Variants in VAT1L observed in about 807,000 individuals in gnomAD.
VAT1L encodes the protein putative NADPH-dependent quinone oxidoreductase VAT1L.
VAT1L carries 34 observed loss-of-function variants against 44.1 expected under a neutral mutation model. That is an observed-to-expected ratio of 0.77 (90% confidence interval 0.59 to 1.03). The LOEUF (loss-of-function observed/expected upper bound fraction) is 1.03, where lower values mean the gene tolerates loss of function less well. VAT1L is among the 50% of genes least tolerant of loss of function. The pLI, the probability that VAT1L is intolerant of heterozygous loss-of-function variation, is 0.00. For missense variants in VAT1L, 615 were observed against 538.8 expected, an observed-to-expected ratio of 1.14 and a Z score of -1.40; for synonymous variants, 253 against 202.2, an observed-to-expected ratio of 1.25 and a Z score of -2.13.
At chr16:77,925,985 G>A (rs542971148) in intron 7 of VAT1L, among the ~76,000 whole-genome samples, 1 of 152,238 alleles carries the variant, frequency 6.6e-6, no homozygotes, top group South Asian at 2.1e-4. Flanking sequence ...AGTCGGGGCC[G>A]GGTGCGGTGG....
intron 1 of VAT1L, among the ~76,000 whole-genome samples, chr16:77,802,524 G>GAATT (rs1217032182): frequency 6.6e-6 from 1 of 151,766 alleles, no homozygotes; most frequent in African/African-American, 2.4e-5. Context: ...CTGAGGCAGG[G>GAATT]AATTGCTTGA....
chr16:77,799,165 A>C (rs979476574), intron 1 of VAT1L, among the ~76,000 whole-genome samples: 1 of 151,798 alleles, frequency 6.6e-6, no homozygotes, highest in Admixed American at 6.6e-5. Context: ...TGCAAATCAC[A>C]TACCAGCCCC....
chr16:77,921,900 C>A (rs1024289396), intron 7 of VAT1L, among the ~76,000 whole-genome samples: 11 of 152,038 alleles, frequency 7.2e-5, no homozygotes, highest in Non-Finnish European at 1.2e-4. Context: ...CATACCACTA[C>A]ACCTGGGTAA....
intron 7 of VAT1L, chr16:77,892,923 G>A (rs2017283441): frequency 4.0e-6 from 4 of 1,003,088 alleles, no homozygotes; most frequent in African/African-American, 1.6e-5. Flanking sequence ...TAATAAGTTT[G>A]ACTTGTGTTT....
At chr16:77,854,415 C>T (rs991713730) in intron 3 of VAT1L, among the ~76,000 whole-genome samples, 25 of 152,266 alleles carry the variant, frequency 1.6e-4, no homozygotes, top group African/African-American at 5.3e-4. Flanking sequence ...TGGATCAGCC[C>T]ACACAGTGGA....
intron 7 of VAT1L, among the ~76,000 whole-genome samples, chr16:77,900,330 A>G (rs189599777): frequency 6.6e-6 from 1 of 152,304 alleles, no homozygotes; most frequent in Admixed American, 6.5e-5. Flanking sequence ...TTCTCCCAGC[A>G]TAATTTTTTC....
intron 6 of VAT1L, among the ~76,000 whole-genome samples, chr16:77,880,720 G>A (rs2017144105): frequency 6.7e-6 from 1 of 148,364 alleles, no homozygotes; most frequent in Non-Finnish European, 1.5e-5. Flanking sequence ...TTCACATAGT[G>A]AGCATAGTAC....
rs191278316 is a variant in VAT1L at position 77,967,194 on chromosome 16, C to G, written c.1078-4656C>G. Reference sequence around the variant, plus strand: ...ACAGAGGAAGGGGAAGCTGCCCTCTCAGATCCCCCATGGTTCTCACCACCT... The same window carrying G: ...ACAGAGGAAGGGGAAGCTGCCCTCTGAGATCCCCCATGGTTCTCACCACCT... On this transcript the variant is annotated intron_variant, in intron 7 of 8. Coordinates refer to ENST00000302536, the MANE Select transcript of VAT1L (RefSeq NM_020927.3). Among the ~76,000 whole-genome samples, 336 of 152,286 alleles carry G rather than the reference C, an allele frequency of 2.2e-3. 4 individuals are homozygous for G. The South Asian group carries it at 0.05, about 23-fold the overall frequency.
intron 3 of VAT1L, among the ~76,000 whole-genome samples, chr16:77,844,445 G>C (rs934941067): frequency 2.6e-5 from 4 of 151,868 alleles, no homozygotes; most frequent in South Asian, 2.1e-4. Context: ...GTCTTGCTCT[G>C]TCACCCAGAC....
chr16:77,852,731 C>T (rs1018648726), intron 3 of VAT1L, among the ~76,000 whole-genome samples: 7 of 152,162 alleles, frequency 4.6e-5, no homozygotes, highest in Non-Finnish European at 8.8e-5. Context: ...TTCCTTCTCT[C>T]CTTTTGGCCT....
At chr16:77,945,041 G>T (rs1214650132) in intron 7 of VAT1L, among the ~76,000 whole-genome samples, 7 of 152,108 alleles carry the variant, frequency 4.6e-5, no homozygotes, top group Non-Finnish European at 1.0e-4. Context: ...ACTCACCATG[G>T]TACAAAAACC....
At chr16:77,923,116 G>A (rs547167846) in intron 7 of VAT1L, among the ~76,000 whole-genome samples, 34 of 152,200 alleles carry the variant, frequency 2.2e-4, no homozygotes, top group African/African-American at 5.8e-4. Context: ...GTGACCCCCC[G>A]AACCTCGGCT....
At chr16:77,952,719 G>A (rs538629363) in intron 7 of VAT1L, among the ~76,000 whole-genome samples, 2 of 152,052 alleles carry the variant, frequency 1.3e-5, no homozygotes, top group East Asian at 1.9e-4. Context: ...TTAGCCAGGC[G>A]TGGTGGCTCA....
At chr16:77,902,355 A>G (rs1156418814) in intron 7 of VAT1L, among the ~76,000 whole-genome samples, 1 of 152,230 alleles carries the variant, frequency 6.6e-6, no homozygotes, top group Non-Finnish European at 1.5e-5. Context: ...TTACCATAAA[A>G]ACATTGAGTA....
intron 7 of VAT1L, among the ~76,000 whole-genome samples, chr16:77,903,507 G>A (rs1406688001): frequency 6.6e-6 from 1 of 151,978 alleles, no homozygotes; most frequent in East Asian, 1.9e-4. Flanking sequence ...AGTTACTGAA[G>A]ACTTATTCTA....
intron 1 of VAT1L, among the ~76,000 whole-genome samples, chr16:77,815,367 T>C (rs1198884071): frequency 6.6e-6 from 1 of 152,218 alleles, no homozygotes; most frequent in African/African-American, 2.4e-5. Flanking sequence ...GCTATATTAC[T>C]TTGGGTCTGA....
At chr16:77,909,232 A>G (rs2017472684) in intron 7 of VAT1L, among the ~76,000 whole-genome samples, 1 of 152,180 alleles carries the variant, frequency 6.6e-6, no homozygotes, top group South Asian at 2.1e-4. Flanking sequence ...AAAGACAAAA[A>G]CTTAAACAGC....
intron 7 of VAT1L, among the ~76,000 whole-genome samples, chr16:77,920,226 G>T (rs2017597136): frequency 6.6e-6 from 1 of 152,178 alleles, no homozygotes; most frequent in South Asian, 2.1e-4. Context: ...GGAAACTTTT[G>T]CTTTTCATTC....
chr16:77,853,327 T>C (rs545937970), intron 3 of VAT1L, among the ~76,000 whole-genome samples: 1 of 152,118 alleles, frequency 6.6e-6, no homozygotes, highest in Non-Finnish European at 1.5e-5. Context: ...CAGCCTCAAC[T>C]AGGAAAAGAG....
Sources: gnomAD v4.1 joint callset for allele counts (sites outside exome capture counted in the v4.1 genomes callset) on GRCh38, gnomAD v4.1.1 for gene constraint, MANE v1.5 for transcripts, NCBI Gene and HGNC (gene_info 2026-07-23, HGNC 2026-07-21) for gene names.